PUM3: variants seen among roughly 807,000 people sequenced by gnomAD.
The protein encoded by PUM3 is pumilio homolog 3.
Under a neutral mutation model 84.0 loss-of-function variants are expected in PUM3, and 91 were observed. That is an observed-to-expected ratio of 1.08 (90% CI 0.91 to 1.29). The LOEUF (loss-of-function observed/expected upper bound fraction) is 1.29, where lower values mean the gene tolerates loss of function less well. Ranked by LOEUF, PUM3 falls within the 50% of genes most tolerant of loss-of-function variation. The pLI, the probability that PUM3 is intolerant of heterozygous loss-of-function variation, is 0.00. For missense variants in PUM3, 1,067 were observed against 767.5 expected, an observed-to-expected ratio of 1.39 and a Z score of -4.61; for synonymous variants, 321 against 266.7, an observed-to-expected ratio of 1.20 and a Z score of -1.98.
intron 10 of PUM3, among the ~76,000 whole-genome samples, chr9:2,826,314 T>A (rs545182208): frequency 1.3e-5 from 2 of 152,292 alleles, no homozygotes; most frequent in African/African-American, 4.8e-5. Context: ...GGATACTGTA[T>A]TTTTCAGGAA....
intron 13 of PUM3, among the ~76,000 whole-genome samples, chr9:2,819,241 G>A (rs868654277): frequency 8.5e-5 from 13 of 152,150 alleles, no homozygotes; most frequent in African/African-American, 2.9e-4. Flanking sequence ...TGTAGAATCA[G>A]AAAAAGAGAC....
At chr9:2,831,905 G>C (rs951081683) in intron 5 of PUM3, among the ~76,000 whole-genome samples, 13 of 152,108 alleles carry the variant, frequency 8.5e-5, no homozygotes, top group African/African-American at 3.1e-4. Context: ...CATATATCCA[G>C]TTATATTTCT....
At chr9:2,809,771 C>A (rs796932410) in intron 16 of PUM3, among the ~76,000 whole-genome samples, 14 of 152,274 alleles carry the variant, frequency 9.2e-5, no homozygotes, top group African/African-American at 3.4e-4. Flanking sequence ...CTGTCCTTCT[C>A]TAGAGAGCTG....
chr9:2,832,386 G>C (rs958016451), intron 5 of PUM3, among the ~76,000 whole-genome samples: 2 of 152,162 alleles, frequency 1.3e-5, no homozygotes, highest in Non-Finnish European at 2.9e-5. Flanking sequence ...TTACTTCCCT[G>C]AGTCCCAGAT....
At chr9:2,816,928 G>A (rs73394645) in intron 13 of PUM3, among the ~76,000 whole-genome samples, 8,670 of 152,236 alleles carry the variant, frequency 0.057, 835 homozygotes, top group African/African-American at 0.2. Flanking sequence ...TACTCTAAAT[G>A]GAATGCTTAG....
intron 3 of PUM3, among the ~76,000 whole-genome samples, chr9:2,835,961 T>C (rs1816108684): frequency 6.6e-6 from 1 of 151,860 alleles, no homozygotes; most frequent in African/African-American, 2.4e-5. Flanking sequence ...GAAAGAAAGA[T>C]TTGGGATCTA....
intron 1 of PUM3, among the ~76,000 whole-genome samples, chr9:2,841,348 T>A (rs1186225598): frequency 6.6e-6 from 1 of 152,150 alleles, no homozygotes; most frequent in Non-Finnish European, 1.5e-5. Context: ...TTTGGGAGGC[T>A]GAGGCAGGTG....
intron 15 of PUM3, among the ~76,000 whole-genome samples, chr9:2,810,963 T>C (rs1821355324): frequency 6.6e-6 from 1 of 152,180 alleles, no homozygotes; most frequent in Non-Finnish European, 1.5e-5. Flanking sequence ...TTAGCAAGTA[T>C]GGGAGGCAAC....
At chr9:2,818,371 ATTAAAACTTT>A (rs1821517750) in intron 13 of PUM3, among the ~76,000 whole-genome samples, 2 of 152,362 alleles carry the variant, frequency 1.3e-5, no homozygotes, top group South Asian at 4.1e-4. Context: ...AGCATAAGGA[ATTAAAACTTT>A]TTCAACAGCA....
chr9:2,828,169 G>A (rs1033816619), intron 9 of PUM3, among the ~76,000 whole-genome samples: 2 of 152,110 alleles, frequency 1.3e-5, no homozygotes, highest in African/African-American at 2.4e-5. Context: ...AGCCTCCCAA[G>A]TAGCCAAGAC....
intron 14 of PUM3, among the ~76,000 whole-genome samples, chr9:2,811,803 C>G (rs72694645): frequency 0.077 from 9,003 of 117,642 alleles, 377 homozygotes; most frequent in Non-Finnish European, 0.1. Flanking sequence ...TGGCACAGAA[C>G]AAGGGCTCAA....
chr9:2,810,494 T>A (rs1355384052), intron 15 of PUM3, 63 bp from the exon 16 acceptor site: 6 of 1,137,498 alleles, frequency 5.3e-6, no homozygotes, highest in Non-Finnish European at 6.5e-6. Context: ...TACATTTGAA[T>A]GAATACATAC....
intron 13 of PUM3, among the ~76,000 whole-genome samples, chr9:2,815,718 AT>A (rs1303419757): frequency 3.9e-5 from 6 of 152,254 alleles, no homozygotes; most frequent in African/African-American, 1.4e-4. Flanking sequence ...TGGAGATTAA[AT>A]AAAGCTAGCT....
Position 2,838,463 on chromosome 9 carries a change from C to T in PUM3, c.45G>A (p.Lys15=). 6.2e-7 allele frequency: 1 copy of T among 1,613,488 alleles called. No individual in the cohort carries two copies. Among genetic ancestry groups the T allele is most frequent in the Non-Finnish European group, 8.5e-7 (1 of 1,179,574 alleles). ...GKKQFTGKST[K]TAQEKNRFHK... is the part of the protein sequence containing the mutation. ...GAAATCTGTTTTTTTCTTGTGCTGTCTTTGTACTCTTTCCTGTGAATTGCT... is the reference window on the plus strand; with the variant it reads ...GAAATCTGTTTTTTTCTTGTGCTGTTTTTGTACTCTTTCCTGTGAATTGCT... The change falls in exon 2 of 18, where the codon AAG becomes AAA. Residue 15 remains lysine (K), a synonymous_variant. Transcript: ENST00000397885.
At chr9:2,839,641 A>G (rs1816216412) in intron 1 of PUM3, among the ~76,000 whole-genome samples, 1 of 152,208 alleles carries the variant, frequency 6.6e-6, no homozygotes, top group South Asian at 2.1e-4. Context: ...TGCTGTTCTA[A>G]TCTAGACTTT....
chr9:2,843,061 A>T (rs1202567503), intron 1 of PUM3, among the ~76,000 whole-genome samples: 1 of 152,104 alleles, frequency 6.6e-6, no homozygotes, highest in Admixed American at 6.5e-5. Flanking sequence ...AATGTAATAC[A>T]TTTTCTAAAG....
At chr9:2,833,926 C>G in intron 4 of PUM3, 105 bp downstream of exon 4, 1 of 1,225,648 alleles carries the variant, frequency 8.2e-7, no homozygotes, top group South Asian at 1.5e-5. Context: ...CCTCAATAAC[C>G]CAAGTGCTAT....
At chr9:2,838,107 G>T (rs10121671) in intron 2 of PUM3, among the ~76,000 whole-genome samples, 67,148 of 151,940 alleles carry the variant, frequency 0.44, 15,224 homozygotes, top group South Asian at 0.56. Context: ...TTTGGCTTAT[G>T]AGCAGTATGT....
intron 11 of PUM3, 132 bp downstream of exon 11, chr9:2,824,585 C>G: frequency 2.1e-6 from 1 of 469,972 alleles, no homozygotes; most frequent in Non-Finnish European, 3.5e-6. Context: ...TAAGGCACAA[C>G]TTTTGGAAGA....
Sources: allele counts gnomAD v4.1 joint callset (sites outside exome capture counted in the v4.1 genomes callset), GRCh38; gene constraint gnomAD v4.1.1; transcripts MANE v1.5; gene names NCBI Gene and HGNC (gene_info 2026-07-23, HGNC 2026-07-21).